Variants in HS3ST2 observed in about 807,000 individuals in gnomAD.
The protein encoded by HS3ST2 is heparan sulfate-glucosamine 3-sulfotransferase 2.
HS3ST2 carries 17 observed loss-of-function variants against 26.3 expected under a neutral mutation model. The observed-to-expected ratio is 0.65, with a 90% CI of 0.44 to 0.97. HS3ST2 has a LOEUF of 0.97. Ranked by LOEUF, HS3ST2 falls within the 50% of genes least tolerant of loss-of-function variation. The probability of loss-of-function intolerance (pLI) is 0.00; values close to 1 mark genes in which losing one functional copy is unlikely to be tolerated. For missense variants in HS3ST2, 402 were observed against 501.2 expected (o/e 0.80, Z 1.89); for synonymous variants, 237 against 219.2 (o/e 1.08, Z -0.72).
intron 1 of HS3ST2, among the ~76,000 whole-genome samples, chr16:22,829,734 G>A (rs968644396): frequency 3.9e-5 from 6 of 152,118 alleles, no homozygotes; most frequent in African/African-American, 1.4e-4. Flanking sequence ...CCAAGCTTTG[G>A]CTTCTCCTAT....
Position 22,878,346 on chromosome 16 carries a change from C to A in HS3ST2, c.486-36598C>A, listed in dbSNP as rs987289692. On this transcript the variant is annotated intron_variant, in intron 1 of 1. Coordinates refer to ENST00000261374, the MANE Select transcript of HS3ST2 (RefSeq NM_006043.2). ...GAACAACAAAACCCAAATGATGTTA[C>A]TCAATTCTGATTAGACACTGTTGCC... Among the ~76,000 whole-genome samples, 3 of 152,186 alleles carry A rather than the reference C, an allele frequency of 2.0e-5. No homozygotes were observed. The East Asian group carries it at 5.8e-4, about 29-fold the overall frequency.
chr16:22,905,847 G>A (rs1270525021), intron 1 of HS3ST2, among the ~76,000 whole-genome samples: 2 of 152,134 alleles, frequency 1.3e-5, no homozygotes, highest in Non-Finnish European at 2.9e-5. Context: ...AAGCTTCTCT[G>A]ATCGTAAGAA....
chr16:22,855,877 G>T (rs531775252), intron 1 of HS3ST2, among the ~76,000 whole-genome samples: 1 of 152,116 alleles, frequency 6.6e-6, no homozygotes, highest in East Asian at 1.9e-4. Context: ...TGACTCATTG[G>T]CTCTGATTGG....
At chr16:22,866,675 C>A (rs1366773202) in intron 1 of HS3ST2, among the ~76,000 whole-genome samples, 1 of 151,898 alleles carries the variant, frequency 6.6e-6, no homozygotes, top group East Asian at 1.9e-4. Flanking sequence ...GTGGCATGCA[C>A]CTGTGGTCCC....
intron 1 of HS3ST2, among the ~76,000 whole-genome samples, chr16:22,875,706 G>A (rs1901906354): frequency 6.6e-6 from 1 of 152,142 alleles, no homozygotes; most frequent in African/African-American, 2.4e-5. Flanking sequence ...TATAAAACCT[G>A]CAGTTGTGTA....
chr16:22,823,285 C>A (rs991512222), intron 1 of HS3ST2, among the ~76,000 whole-genome samples: 1 of 152,124 alleles, frequency 6.6e-6, no homozygotes. Context: ...GGGGACACTA[C>A]TAAGAGCAGT....
rs567550055 is a variant in HS3ST2 at position 22,911,092 on chromosome 16, C to T, written c.486-3852C>T. Among the ~76,000 whole-genome samples, 151 of 152,222 alleles carry T rather than the reference C, an allele frequency of 9.9e-4. 2 individuals carry two copies. The highest frequency in any genetic ancestry group is 2.7e-3 in the South Asian group (13 of 4,814). On this transcript the variant is annotated intron_variant, in intron 1 of 1. Coordinates refer to ENST00000261374, the MANE Select transcript of HS3ST2 (RefSeq NM_006043.2). ...GGGCCTGAAAAGACAAATATAAGAT[C>T]ACTGAGCAGTACTGAGGGTTCAATG...
At chr16:22,887,774 C>T (rs375165307) in intron 1 of HS3ST2, among the ~76,000 whole-genome samples, 12 of 125,148 alleles carry the variant, frequency 9.6e-5, no homozygotes, top group African/African-American at 3.7e-4. Context: ...TAACGAGACC[C>T]CATCTCTACG....
chr16:22,827,713 T>TC (rs886358508), intron 1 of HS3ST2, among the ~76,000 whole-genome samples: 15 of 144,902 alleles, frequency 1.0e-4, no homozygotes, highest in South Asian at 4.4e-4. Flanking sequence ...TTTCTTTCTT[T>TC]TTTTTTTTTT....
rs930438806 is a variant in HS3ST2 at position 22,833,930 on chromosome 16, AAAAACAAAAC to A, written c.485+18855_485+18864del. On this transcript the variant is annotated intron_variant, in intron 1 of 1. Transcript: ENST00000261374. ...TTCTCAAGATATATTGTTCAGCTAA[AAAAACAAAAC>A]AAAACAAAACAAAACAAAAGCAAAG... 5.3e-5 allele frequency among the ~76,000 whole-genome samples: 8 copies of A among 152,176 alleles called. No homozygotes were observed. The South Asian group carries it at 8.3e-4, about 16-fold the overall frequency.
chr16:22,844,020 C>T (rs1325369525), intron 1 of HS3ST2, among the ~76,000 whole-genome samples: 1 of 151,672 alleles, frequency 6.6e-6, no homozygotes, highest in Non-Finnish European at 1.5e-5. Flanking sequence ...CACACACACA[C>T]ACACACACAC....
At chr16:22,861,469 G>A (rs959101519) in intron 1 of HS3ST2, among the ~76,000 whole-genome samples, 13 of 152,024 alleles carry the variant, frequency 8.6e-5, no homozygotes, top group Admixed American at 8.5e-4. Flanking sequence ...TGGAATGGCA[G>A]TGGGTAGGTG....
At chr16:22,832,521 A>G (rs1901187222) in intron 1 of HS3ST2, among the ~76,000 whole-genome samples, 1 of 151,784 alleles carries the variant, frequency 6.6e-6, no homozygotes, top group South Asian at 2.1e-4. Context: ...TCCCACACCC[A>G]CATTCCTGAA....
chr16:22,877,976 C>A (rs1312632570), intron 1 of HS3ST2, among the ~76,000 whole-genome samples: 1 of 152,112 alleles, frequency 6.6e-6, no homozygotes. Context: ...AGGAGCCCAC[C>A]CACAAGACAA....
intron 1 of HS3ST2, among the ~76,000 whole-genome samples, chr16:22,906,625 C>T (rs1297514390): frequency 6.6e-6 from 1 of 152,232 alleles, no homozygotes; most frequent in Non-Finnish European, 1.5e-5. Flanking sequence ...TACCTTCCTA[C>T]ATTTGGAAAG....
intron 1 of HS3ST2, among the ~76,000 whole-genome samples, chr16:22,827,690 T>C (rs1430870994): frequency 6.7e-6 from 1 of 150,164 alleles, no homozygotes; most frequent in East Asian, 2.0e-4. Flanking sequence ...GATGATGTGA[T>C]AGTATTTCTT....
At position 22,814,576 on chromosome 16, in the gene HS3ST2, G is replaced by T; in HGVS notation, c.-35G>T. 1.3e-6 allele frequency: 2 copies of T among 1,485,054 alleles called. No homozygotes were observed. The highest frequency in any genetic ancestry group is 1.3e-5 in the South Asian group (1 of 77,474). 92.0% of individuals were successfully genotyped at this position (1,485,054 alleles called of 1,614,324 possible). A position where few individuals can be genotyped will look rare whatever the true frequency, so the allele number is the denominator to read the frequency against. Reference sequence around the variant, plus strand: ...GCAGCTCAGCCGCCGGTGCCCCCTCGGAAACCATGACCCCCGGCGCGGGCC... The same window carrying T: ...GCAGCTCAGCCGCCGGTGCCCCCTCTGAAACCATGACCCCCGGCGCGGGCC... On this transcript the variant is annotated 5_prime_UTR_variant, in exon 1 of 2. Transcript: ENST00000261374.
chr16:22,857,780 G>A (rs764888632), intron 1 of HS3ST2, among the ~76,000 whole-genome samples: 15 of 152,120 alleles, frequency 9.9e-5, no homozygotes, highest in Non-Finnish European at 1.6e-4. Flanking sequence ...TGGTAGGCTG[G>A]AGCCCAATTA....
chr16:22,836,956 C>A (rs749157389), intron 1 of HS3ST2, among the ~76,000 whole-genome samples: 4 of 152,146 alleles, frequency 2.6e-5, no homozygotes, highest in Non-Finnish European at 5.9e-5. Context: ...CCATGCCCAG[C>A]CAGGACAAAA....
Sources: allele counts gnomAD v4.1 joint callset (sites outside exome capture counted in the v4.1 genomes callset), GRCh38; gene constraint gnomAD v4.1.1; transcripts MANE v1.5; gene names NCBI Gene and HGNC (gene_info 2026-07-23, HGNC 2026-07-21).